KMT5C: variants seen among roughly 807,000 people sequenced by gnomAD.
The protein encoded by KMT5C is lysine methyltransferase 5C, also known as histone-lysine N-methyltransferase KMT5C.
KMT5C carries 16 observed loss-of-function variants against 38.2 expected under a neutral mutation model. The observed-to-expected ratio is 0.42, with a 90% confidence interval of 0.28 to 0.64. KMT5C has a LOEUF of 0.64. KMT5C is among the 30% of genes least tolerant of loss of function. The pLI is 0.23. For missense variants in KMT5C, 598 were observed against 665.1 expected, an observed-to-expected ratio of 0.90 and a Z score of 1.11; for synonymous variants, 291 against 279.0, an observed-to-expected ratio of 1.04 and a Z score of -0.43.
Position 55,347,860 on chromosome 19 carries a change from C to G in KMT5C, c.*411C>G. 1 of 178,724 alleles carries G rather than the reference C, an allele frequency of 5.6e-6. No homozygotes were observed. The highest frequency in any genetic ancestry group is 1.2e-5 in the Non-Finnish European group (1 of 86,168). The allele number at this position is 178,724 out of a possible 1,614,324, so 11.1% of individuals were successfully genotyped here. On this transcript the variant is annotated 3_prime_UTR_variant, in exon 9 of 9. Coordinates refer to ENST00000255613, the MANE Select transcript of KMT5C (RefSeq NM_032701.4). The surrounding 1 kb of genome is among the most constrained non-coding windows in gnomAD (Gnocchi z 4.6). ...GGGGGTGGCACTCCCCAGAGACTGC[C>G]CTCACGAGGGGACTGGGTTCGCTCT...
chr19:55,344,987 T>G (rs746918848), intron 6 of KMT5C: 4 of 459,986 alleles, frequency 8.7e-6, no homozygotes, highest in Non-Finnish European at 1.8e-5. Flanking sequence ...GCTGGTCAAG[T>G]GTGCCGGAGG....
At position 55,342,225 on chromosome 19, in the gene KMT5C, C is replaced by T. The variant is rs767623677; in HGVS notation, c.121C>T (p.Pro41Ser). The stretch of plus-strand genomic sequence containing the variant: ...TGCCCTCTCCCCCAGCCCTGTGCCC[C>T]CCCTGCGGCGACAGCAGCACCTGCG... The part of the protein sequence containing the change: ...THKMNVSPVP[P>S]LRRQQHLRSA... The change falls in exon 3 of 9, where the codon CCC becomes TCC. Residue 41 changes from proline (P) to serine (S), a missense_variant. Transcript: ENST00000255613. 18 of 1,609,930 alleles carry T rather than the reference C, an allele frequency of 1.1e-5. No individual in the cohort carries two copies. The highest frequency in any genetic ancestry group is 2.2e-5 in the South Asian group (2 of 90,644).
intron 6 of KMT5C, among the ~76,000 whole-genome samples, chr19:55,345,755 A>G (rs12459918): frequency 0.47 from 71,259 of 151,982 alleles, 16,957 homozygotes; most frequent in East Asian, 0.72. Context: ...GAGCACACAC[A>G]GATTGGGCTG....
rs200812702 is a variant in KMT5C at position 55,347,456 on chromosome 19, G to A, written c.*7G>A. 39 of 1,521,056 alleles carry A rather than the reference G, an allele frequency of 2.6e-5. 1 individual carries two copies. Among genetic ancestry groups the A allele is most frequent in the South Asian group, 1.5e-4 (12 of 78,200 alleles). The allele number at this position is 1,521,056 out of a possible 1,614,324, so 94.2% of individuals were successfully genotyped here. A position where few individuals can be genotyped will look rare whatever the true frequency, so the allele number is the denominator to read the frequency against. ...CGGCGGTGAAGAGCTGTGACAGGCC[G>A]GACGGGGAGGCCCAGCAGGGAGAGA... On this transcript the variant is annotated 3_prime_UTR_variant, in exon 9 of 9. Coordinates refer to ENST00000255613, the MANE Select transcript of KMT5C (RefSeq NM_032701.4). The surrounding 1 kb of genome is among the most constrained non-coding windows in gnomAD (Gnocchi z 4.6).
At chr19:55,342,468 C>G in intron 3 of KMT5C, 88 bp downstream of exon 3, 4 of 1,137,284 alleles carry the variant, frequency 3.5e-6, no homozygotes, top group Non-Finnish European at 4.8e-6. Context: ...TCTAGAGTCC[C>G]TCAGCGCAGC....
chr19:55,345,848 G>A (rs928093541), intron 6 of KMT5C, among the ~76,000 whole-genome samples: 8 of 152,174 alleles, frequency 5.3e-5, no homozygotes, highest in Non-Finnish European at 5.9e-5. Context: ...ACAGTCTGGC[G>A]GGGGGCAGGC....
chr19:55,344,635 C>T (rs555120163), intron 6 of KMT5C: 4 of 499,788 alleles, frequency 8.0e-6, no homozygotes, highest in East Asian at 5.8e-5. Context: ...TGGGAGCCCC[C>T]GGCCTTGCAG....
rs763292003 is a variant in KMT5C, at chr19:55,346,619, G to A, written c.827G>A (p.Ser276Asn). ...CTGCAGCAAGGCCTGGACAGTGGCAGCCGACAGGGCCTGCTGGGCCCTCGG... is the reference window on the plus strand; with the variant it reads ...CTGCAGCAAGGCCTGGACAGTGGCAACCGACAGGGCCTGCTGGGCCCTCGG... ...RRLQQGLDSG[S>N]RQGLLGPRAC... The change falls in exon 8 of 9, where the codon AGC (serine) becomes AAC (asparagine). Residue 276 changes from serine to asparagine, a missense_variant. This residue lies in a region of KMT5C where 326 missense variants were observed against 298.1 expected (regional missense o/e 1.09). Coordinates refer to ENST00000255613, the MANE Select transcript of KMT5C (RefSeq NM_032701.4). 4.8e-5 allele frequency: 76 copies of A among 1,571,940 alleles called. No individual in the cohort carries two copies. Among genetic ancestry groups the A allele is most frequent in the African/African-American group, 8.1e-5 (6 of 74,020 alleles).
rs761612794 is a variant in KMT5C, at chr19:55,347,024, T to C, written c.964T>C (p.Trp322Arg). The C allele has an allele frequency of 6.8e-7, 1 of 1,462,376 alleles. No individual in the cohort carries two copies. Among genetic ancestry groups the C allele is most frequent in the Non-Finnish European group, 9.5e-7 (1 of 1,057,906 alleles). 90.6% of individuals were successfully genotyped at this position (1,462,376 alleles called of 1,614,324 possible). A position where few individuals can be genotyped will look rare whatever the true frequency, so the allele number is the denominator to read the frequency against. ...AGACACCTCACCCCTCTGGCTCCAGTGGCTGCCTCAGCCCCAGCCCCGAGT... is the reference window on the plus strand; with the variant it reads ...AGACACCTCACCCCTCTGGCTCCAGCGGCTGCCTCAGCCCCAGCCCCGAGT... ...RPDTSPLWLQ[W>R]LPQPQPRVRP... The change falls in exon 9 of 9, where the codon TGG becomes CGG. Residue 322 changes from tryptophan to arginine, a missense_variant. By Grantham distance (101) the Trp-to-Arg change is moderately radical (BLOSUM62 -3). This residue lies in a region of KMT5C where 326 missense variants were observed against 298.1 expected (regional missense o/e 1.09). Coordinates refer to ENST00000255613, the MANE Select transcript of KMT5C (RefSeq NM_032701.4). The surrounding 1 kb of genome is among the most constrained non-coding windows in gnomAD (Gnocchi z 4.6).
In KMT5C at chr19:55,343,818, G is replaced by A. The variant is rs370929426; in HGVS notation, c.525G>A (p.Leu175=). 310 of 1,613,772 alleles carry A rather than the reference G, an allele frequency of 1.9e-4. 5 individuals carry two copies. In the South Asian group the frequency reaches 2.6e-3, roughly 14 times the overall value. The change falls in exon 5 of 9, where the codon CTG becomes CTA. Residue 175 remains leucine (L), a synonymous_variant. Transcript: ENST00000255613. This position sits in a 1 kb window ranked among gnomAD's most constrained non-coding sequence, Gnocchi z 5.5. ...STRKRSAQLW[L]GPAAFINHDC... ...GCAAGCGGAGTGCTCAGCTGTGGCT[G>A]GGCCCAGCCGCCTTCATCAACCATG...
chr19:55,344,918 C>T (rs1261937553), intron 6 of KMT5C: 2 of 470,498 alleles, frequency 4.3e-6, no homozygotes, highest in South Asian at 3.1e-5. Context: ...GCGATGCCAC[C>T]CCTGGCCTTT....
chr19:55,346,283 C>T lies in KMT5C; in HGVS notation c.641C>T (p.Thr214Ile). 1 of 1,614,074 alleles carries T rather than the reference C, an allele frequency of 6.2e-7. No homozygotes were observed. ...GACATTGAGCCTGGGGACGAGGTGA[C>T]ATGCTTCTACGGCGAGGGCTTCTTC... ...LRDIEPGDEVTCFYGEGFFGE... is the reference protein window; with the variant it reads ...LRDIEPGDEVICFYGEGFFGE... The change falls in exon 7 of 9, where the codon ACA becomes ATA. Residue 214 changes from threonine (T) to isoleucine (I), a missense_variant. Coordinates refer to ENST00000255613, the MANE Select transcript of KMT5C (RefSeq NM_032701.4).
Position 55,343,452 on chromosome 19 carries a change from C to T in KMT5C, c.387-228C>T, listed in dbSNP as rs779016680. 1.7e-6 allele frequency: 1 copy of T among 586,094 alleles called. No individual in the cohort carries two copies. Among genetic ancestry groups the T allele is most frequent in the Non-Finnish European group, 3.0e-6 (1 of 328,118 alleles). The allele number at this position is 586,094 out of a possible 1,614,324, so 36.3% of individuals were successfully genotyped here. On this transcript the variant is annotated intron_variant, in intron 4 of 8. Transcript: ENST00000255613. The surrounding 1 kb of genome is among the most constrained non-coding windows in gnomAD (Gnocchi z 5.5). ...GGCTGTATCTGCTGTGTGCGTGCTG[C>T]CCTGAAGGCTTTCAGTAGAAGGGTC...
In KMT5C at chr19:55,343,619, C is replaced by G; in HGVS notation, c.387-61C>G. 1 of 1,523,560 alleles carries G rather than the reference C, an allele frequency of 6.6e-7. No individual in the cohort carries two copies. Among genetic ancestry groups the G allele is most frequent in the Non-Finnish European group, 8.9e-7 (1 of 1,126,022 alleles). 94.4% of individuals were successfully genotyped at this position (1,523,560 alleles called of 1,614,324 possible). On this transcript the variant is annotated intron_variant, in intron 4 of 8. Transcript: ENST00000255613. The surrounding 1 kb of genome is among the most constrained non-coding windows in gnomAD (Gnocchi z 5.5). Reference sequence around the variant, plus strand: ...TGCCTCTGTGCCGGAGGCCCGAGTCCCCTGAACACCTGCAGGAGGCCAGGC... The same window carrying G: ...TGCCTCTGTGCCGGAGGCCCGAGTCGCCTGAACACCTGCAGGAGGCCAGGC...
Position 55,343,102 on chromosome 19 carries a change from G to A in KMT5C, c.386+251G>A, listed in dbSNP as rs2089578411. On this transcript the variant is annotated intron_variant, in intron 4 of 8. Coordinates refer to ENST00000255613, the MANE Select transcript of KMT5C (RefSeq NM_032701.4). The surrounding 1 kb of genome is among the most constrained non-coding windows in gnomAD (Gnocchi z 5.5). ...AGGAAAGAACTAGGCTTCTGGTCAG[G>A]GCCGTGCTGTCCTTACCTCCTTGTG... 4.2e-6 allele frequency: 2 copies of A among 479,982 alleles called. No homozygotes were observed. Among genetic ancestry groups the A allele is most frequent in the South Asian group, 2.2e-5 (1 of 45,372 alleles). The allele number at this position is 479,982 out of a possible 1,614,324, so 29.7% of individuals were successfully genotyped here. A position where few individuals can be genotyped will look rare whatever the true frequency, so the allele number is the denominator to read the frequency against.
intron 6 of KMT5C, 56 bp from the exon 7 acceptor site, chr19:55,346,157 T>G (rs1600266861): frequency 1.9e-6 from 3 of 1,601,214 alleles, no homozygotes; most frequent in Non-Finnish European, 2.6e-6. Flanking sequence ...GTGTGGGGAG[T>G]GGGTGAGCCC....
chr19:55,346,763 T>C, intron 8 of KMT5C, 76 bp downstream of exon 8: 1 of 1,305,850 alleles, frequency 7.7e-7, no homozygotes, highest in South Asian at 1.5e-5. Flanking sequence ...TCTTCTGAGC[T>C]CTCTGCCTAG....
intron 6 of KMT5C, chr19:55,344,260 G>C (rs2089592214): frequency 2.8e-6 from 1 of 352,984 alleles, no homozygotes; most frequent in Non-Finnish European, 5.3e-6. Context: ...TACTTGGGAG[G>C]CTGAGGCAGG....
At chr19:55,345,047 T>C (rs931404618) in intron 6 of KMT5C, 6 of 455,684 alleles carry the variant, frequency 1.3e-5, no homozygotes, top group African/African-American at 1.2e-4. Context: ...ACACAGACGC[T>C]GGGGGGGATG....
Sources: allele counts gnomAD v4.1 joint callset (sites outside exome capture counted in the v4.1 genomes callset), GRCh38; gene constraint gnomAD v4.1.1; regional missense constraint gnomAD v4.1.1; non-coding constraint Gnocchi (gnomAD v3.1); transcripts MANE v1.5; gene names NCBI Gene and HGNC (gene_info 2026-07-23, HGNC 2026-07-21).